Variants in IGFBP7 observed in about 807,000 individuals in gnomAD.
The protein encoded by IGFBP7 is insulin like growth factor binding protein 7.
In IGFBP7, 31 loss-of-function variants were observed where a neutral mutation model predicts 29.4. That is an observed-to-expected ratio of 1.05 (90% CI 0.79 to 1.42). IGFBP7 has a LOEUF of 1.42. Among genes scored for constraint, IGFBP7 ranks in the 40% most tolerant of loss-of-function variants. The pLI is 0.00. For synonymous variants in IGFBP7, 172 were observed against 174.9 expected (o/e 0.98, Z 0.13); for missense variants, 393 against 395.5 (o/e 0.99, Z 0.05).
intron 1 of IGFBP7, among the ~76,000 whole-genome samples, chr4:57,086,969 G>T (rs1578643592): frequency 6.6e-6 from 1 of 152,116 alleles, no homozygotes; most frequent in Non-Finnish European, 1.5e-5. Context: ...CCTGACCTCA[G>T]GTGATCCACC....
chr4:57,086,756 C>T (rs912499339), intron 1 of IGFBP7, among the ~76,000 whole-genome samples: 15 of 151,966 alleles, frequency 9.9e-5, no homozygotes, highest in East Asian at 1.9e-4. Flanking sequence ...TTTTTGATTC[C>T]GAGTTTCGCT....
chr4:57,081,034 TCCTTTCC>T (rs1235239089), intron 1 of IGFBP7, among the ~76,000 whole-genome samples: 1 of 152,178 alleles, frequency 6.6e-6, no homozygotes, highest in African/African-American at 2.4e-5. Context: ...TTCTCACCTT[TCCTTTCC>T]TGGAAGTCAA....
At chr4:57,066,491 A>T (rs1203399519) in intron 1 of IGFBP7, among the ~76,000 whole-genome samples, 1 of 152,156 alleles carries the variant, frequency 6.6e-6, no homozygotes, top group Non-Finnish European at 1.5e-5. Flanking sequence ...GTAAATATTT[A>T]TTATTATTTT....
At chr4:57,051,259 T>C (rs987109398) in intron 1 of IGFBP7, among the ~76,000 whole-genome samples, 2 of 152,234 alleles carry the variant, frequency 1.3e-5, no homozygotes, top group African/African-American at 4.8e-5. Context: ...CAGAGCCATC[T>C]GCCAAGGCAA....
At position 57,048,684 on chromosome 4, in the gene IGFBP7, G is replaced by A. The variant is rs546674032; in HGVS notation, c.476-7751C>T. Among the ~76,000 whole-genome samples the A allele has an allele frequency of 4.6e-5, 7 of 152,242 alleles. No individual in the cohort carries two copies. The South Asian group carries it at 1.4e-3, about 32-fold the overall frequency. On this transcript the variant is annotated intron_variant, in intron 1 of 4. Coordinates refer to ENST00000295666, the MANE Select transcript of IGFBP7 (RefSeq NM_001553.3). ...GTTAAAATGTGTTATCCTATAAAAA[G>A]CACAGCAGGAACAATATTGAAGAAG...
chr4:57,077,883 T>C (rs1453782596), intron 1 of IGFBP7, among the ~76,000 whole-genome samples: 1 of 152,062 alleles, frequency 6.6e-6, no homozygotes, highest in Non-Finnish European at 1.5e-5. Context: ...CCTCGTGGAG[T>C]GTTGTGATGC....
intron 2 of IGFBP7, among the ~76,000 whole-genome samples, chr4:57,038,879 C>T (rs1724149045): frequency 6.6e-6 from 1 of 151,846 alleles, no homozygotes; most frequent in African/African-American, 2.4e-5. Flanking sequence ...CCAGCCTGAC[C>T]AACATGGAGA....
intron 2 of IGFBP7, among the ~76,000 whole-genome samples, chr4:57,039,868 C>T (rs1011540131): frequency 6.6e-6 from 1 of 152,122 alleles, no homozygotes; most frequent in Non-Finnish European, 1.5e-5. Flanking sequence ...TCAAGTGATC[C>T]TCCTGCCTCA....
At position 57,089,039 on chromosome 4, in the gene IGFBP7, TA is replaced by T. The variant is rs397734783; in HGVS notation, c.475+20837del. Reference sequence around the variant, plus strand: ...AGAGTGAGACTCTGTCTCAAAAAAATAAAAAAAAAAAAAAAGAGAGGCAACT... The same window carrying T: ...AGAGTGAGACTCTGTCTCAAAAAAATAAAAAAAAAAAAAAGAGAGGCAACT... On this transcript the variant is annotated intron_variant, in intron 1 of 4. Transcript: ENST00000295666. Among the ~76,000 whole-genome samples, 744 of 133,068 alleles carry T rather than the reference TA, an allele frequency of 5.6e-3. 32 individuals carry two copies. In the East Asian group the frequency reaches 0.11, roughly 20 times the overall value. 87.3% of individuals were successfully genotyped at this position (133,068 alleles called of 152,430 possible).
At chr4:57,038,783 ACGACCAGGCGC>A (rs375110798) in intron 2 of IGFBP7, among the ~76,000 whole-genome samples, 50 of 152,216 alleles carry the variant, frequency 3.3e-4, no homozygotes, top group African/African-American at 1.2e-3. Context: ...AAGGACAAAA[ACGACCAGGCGC>A]GGTGGCTCAC....
At position 57,031,102 on chromosome 4, in the gene IGFBP7, T is replaced by C; in HGVS notation, c.*215A>G. 3 of 750,714 alleles carry C rather than the reference T, an allele frequency of 4.0e-6. No individual in the cohort carries two copies. 46.5% of individuals were successfully genotyped at this position (750,714 alleles called of 1,614,324 possible). Reference sequence around the variant, plus strand: ...GTTGTGATAAAAAGTATTTTATTTGTTTAATGATATGCATGCTTTTCTTCT... The same window carrying C: ...GTTGTGATAAAAAGTATTTTATTTGCTTAATGATATGCATGCTTTTCTTCT... On this transcript the variant is annotated 3_prime_UTR_variant, in exon 5 of 5. Coordinates refer to ENST00000295666, the MANE Select transcript of IGFBP7 (RefSeq NM_001553.3).
At chr4:57,066,367 G>T (rs1351549572) in intron 1 of IGFBP7, among the ~76,000 whole-genome samples, 1 of 152,110 alleles carries the variant, frequency 6.6e-6, no homozygotes, top group Non-Finnish European at 1.5e-5. Flanking sequence ...TCAATCCAAA[G>T]CCAGAACAAA....
chr4:57,094,217 T>C (rs1213791245), intron 1 of IGFBP7, among the ~76,000 whole-genome samples: 1 of 152,176 alleles, frequency 6.6e-6, no homozygotes, highest in Non-Finnish European at 1.5e-5. Flanking sequence ...ATGTGAGTGA[T>C]GGAATTATTA....
intron 1 of IGFBP7, among the ~76,000 whole-genome samples, chr4:57,042,746 A>G (rs1397597298): frequency 1.3e-5 from 2 of 152,268 alleles, no homozygotes; most frequent in African/African-American, 4.8e-5. Flanking sequence ...CTGTTGGAAC[A>G]CAGCCACACT....
At position 57,094,756 on chromosome 4, in the gene IGFBP7, C is replaced by T. The variant is rs140310693; in HGVS notation, c.475+15121G>A. ...CGGAATCCTTGGTAGTTCTCTAATG[C>T]TTGTTGCTGAACCCTTGACCATTTC... On this transcript the variant is annotated intron_variant, in intron 1 of 4. Transcript: ENST00000295666. Among the ~76,000 whole-genome samples the T allele has an allele frequency of 4.4e-3, 673 of 152,330 alleles. 4 individuals are homozygous for T. Among genetic ancestry groups the T allele is most frequent in the African/African-American group, 0.016 (649 of 41,576 alleles).
chr4:57,043,634 A>C (rs567398053), intron 1 of IGFBP7, among the ~76,000 whole-genome samples: 4 of 152,226 alleles, frequency 2.6e-5, no homozygotes, highest in Admixed American at 1.3e-4. Context: ...TGTGCAAAAC[A>C]ATCAAAAGTT....
intron 4 of IGFBP7, 32 bp downstream of exon 4, chr4:57,032,394 A>G: frequency 6.2e-7 from 1 of 1,611,466 alleles, no homozygotes; most frequent in Non-Finnish European, 8.5e-7. Flanking sequence ...TGTACTAGTC[A>G]TTTTTAAATG....
intron 1 of IGFBP7, among the ~76,000 whole-genome samples, chr4:57,082,894 G>T (rs535282674): frequency 6.6e-6 from 1 of 152,212 alleles, no homozygotes; most frequent in African/African-American, 2.4e-5. Flanking sequence ...TTCCTGAGTA[G>T]CTGGGTCTAC....
At chr4:57,066,463 C>T (rs1415859409) in intron 1 of IGFBP7, among the ~76,000 whole-genome samples, 6 of 152,188 alleles carry the variant, frequency 3.9e-5, no homozygotes, top group African/African-American at 1.2e-4. Context: ...TTTTGATCCA[C>T]AGAAACTGTG....
Sources: allele counts gnomAD v4.1 joint callset (sites outside exome capture counted in the v4.1 genomes callset), GRCh38; gene constraint gnomAD v4.1.1; transcripts MANE v1.5; gene names NCBI Gene and HGNC (gene_info 2026-07-23, HGNC 2026-07-21).